The following VCAN variants were observed in gnomAD, a reference collection of about 807,000 sequenced individuals.
The protein encoded by VCAN is versican core protein.
In VCAN, 44 loss-of-function variants were observed where a neutral mutation model predicts 245.5. The observed-to-expected ratio is 0.18, with a 90% confidence interval of 0.14 to 0.23. The LOEUF (loss-of-function observed/expected upper bound fraction) is 0.23. Among genes scored for constraint, VCAN ranks in the 10% least tolerant of loss-of-function variants. The probability of loss-of-function intolerance (pLI) is 1.00; values close to 1 mark genes in which losing one functional copy is unlikely to be tolerated. For synonymous variants in VCAN, 1,413 were observed against 1,437.0 expected, an observed-to-expected ratio of 0.98 and a Z score of 0.38; for missense variants, 3,793 against 4,057.9, an observed-to-expected ratio of 0.93 and a Z score of 1.77.
At chr5:83,474,696 C>G (rs988769076) in intron 1 of VCAN, among the ~76,000 whole-genome samples, 1 of 152,174 alleles carries the variant, frequency 6.6e-6, no homozygotes, top group Non-Finnish European at 1.5e-5. Context: ...CCCCACCCAC[C>G]GAGGCCAATG....
intron 1 of VCAN, among the ~76,000 whole-genome samples, chr5:83,483,186 T>G (rs779373189): frequency 2.6e-5 from 4 of 152,220 alleles, no homozygotes; most frequent in Non-Finnish European, 5.9e-5. Context: ...ACTTGAACTG[T>G]GGTCTCTGTT....
chr5:83,474,729 G>A (rs980200963), intron 1 of VCAN, among the ~76,000 whole-genome samples: 2 of 152,250 alleles, frequency 1.3e-5, no homozygotes, highest in African/African-American at 4.8e-5. Flanking sequence ...GGAAGGCAGG[G>A]CCCAGCTTAA....
intron 8 of VCAN, among the ~76,000 whole-genome samples, chr5:83,542,872 G>A (rs1747057436): frequency 6.6e-6 from 1 of 152,182 alleles, no homozygotes. Flanking sequence ...CATACTGCCT[G>A]TTGAGAGAAG....
At chr5:83,503,701 T>G (rs1211887662) in intron 5 of VCAN, among the ~76,000 whole-genome samples, 2 of 152,194 alleles carry the variant, frequency 1.3e-5, no homozygotes, top group East Asian at 3.8e-4. Context: ...GCTACAAAAC[T>G]GGTAAGATCT....
At chr5:83,495,296 A>G (rs1482730237) in intron 5 of VCAN, among the ~76,000 whole-genome samples, 3 of 152,188 alleles carry the variant, frequency 2.0e-5, no homozygotes, top group Non-Finnish European at 4.4e-5. Flanking sequence ...AGCAGCTTAT[A>G]TTTTCCTAAT....
chr5:83,578,312 C>G (rs1247663350), intron 13 of VCAN, among the ~76,000 whole-genome samples: 1 of 151,862 alleles, frequency 6.6e-6, no homozygotes, highest in Non-Finnish European at 1.5e-5. Flanking sequence ...AGGGGAAAAA[C>G]AGACACTGGG....
At chr5:83,515,144 A>G (rs1745802368) in intron 6 of VCAN, among the ~76,000 whole-genome samples, 1 of 152,250 alleles carries the variant, frequency 6.6e-6, no homozygotes, top group Non-Finnish European at 1.5e-5. Context: ...AAAGTAAGCA[A>G]AGTAATGTCT....
rs745390728 is a variant in VCAN at position 83,520,016 on chromosome 5, C to T, written c.1710C>T (p.Thr570=). 2 of 1,614,068 alleles carry T rather than the reference C, an allele frequency of 1.2e-6. No individual in the cohort carries two copies. The highest frequency in any genetic ancestry group is 1.7e-6 in the Non-Finnish European group (2 of 1,179,968). Residue 570 remains threonine (T), a synonymous_variant, in exon 7 of 15, where the codon ACC becomes ACT. Transcript: ENST00000265077. ...TTACAGTTGGATCTGATGAGAGCAC[C>T]TTGATCTTTGACCAAATTCCTGAAG... ...RTLTVGSDES[T]LIFDQIPEVI...
intron 12 of VCAN, among the ~76,000 whole-genome samples, chr5:83,568,901 C>T (rs565783617): frequency 3.3e-5 from 5 of 151,972 alleles, no homozygotes; most frequent in Non-Finnish European, 5.9e-5. Flanking sequence ...CAGACACACA[C>T]GCAAACACAA....
intron 8 of VCAN, among the ~76,000 whole-genome samples, chr5:83,545,306 G>A (rs961298324): frequency 2.0e-5 from 3 of 152,132 alleles, no homozygotes; most frequent in African/African-American, 7.2e-5. Context: ...TATCATTTAA[G>A]AGTAATCGTG....
intron 12 of VCAN, chr5:83,562,103 C>T (rs1479787702): frequency 2.0e-5 from 3 of 152,154 alleles, no homozygotes; most frequent in Non-Finnish European, 2.9e-5. Flanking sequence ...GGCATTAGCT[C>T]TAAGTCAAAT....
At chr5:83,484,047 T>A (rs1215112401) in intron 2 of VCAN, among the ~76,000 whole-genome samples, 1 of 152,190 alleles carries the variant, frequency 6.6e-6, no homozygotes, top group East Asian at 1.9e-4. Context: ...TGGATATGCA[T>A]ATGCCCTAGT....
At position 83,538,074 on chromosome 5, in the gene VCAN, C is replaced by T. The variant is rs1383037859; in HGVS notation, c.5071C>T (p.Pro1691Ser). 1.2e-6 allele frequency: 2 copies of T among 1,614,070 alleles called. No homozygotes were observed. Among genetic ancestry groups the T allele is most frequent in the Admixed American group, 3.3e-5 (2 of 59,994 alleles). Residue 1691 changes from proline to serine, a missense_variant, in exon 8 of 15, where the codon CCA becomes TCA. Physicochemically the swap from Pro to Ser is moderately conservative, Grantham distance 74. Around this residue, in one of 5 missense-constraint regions of VCAN, gnomAD observed 3,182 missense variants for 3,250.3 expected, o/e 0.98. Transcript: ENST00000265077. ...FFEVPATTIY[P>S]VSEQPSAKVV... ...TGAGGTTCCTGCAACCACCATTTAT[C>T]CAGTTTCTGAACAACCTTCTGCAAA...
At position 83,521,373 on chromosome 5, in the gene VCAN, A is replaced by T; in HGVS notation, c.3067A>T (p.Thr1023Ser). Reference sequence around the variant, plus strand: ...GACTATTTCTCCAGAAACTATGAGAACAACAAAAATCACAGAGGGAACAAC... The same window carrying T: ...GACTATTTCTCCAGAAACTATGAGATCAACAAAAATCACAGAGGGAACAAC... ...EATISPETMRTTKITEGTTQE... is the reference protein window; with the variant it reads ...EATISPETMRSTKITEGTTQE... The change falls in exon 7 of 15, where the codon ACA becomes TCA. Residue 1023 changes from threonine to serine, a missense_variant. Thr to Ser is a moderately conservative substitution (Grantham distance 58). This residue lies in a region of VCAN where 3,182 missense variants were observed against 3,250.3 expected (regional missense o/e 0.98). Coordinates refer to ENST00000265077, the MANE Select transcript of VCAN (RefSeq NM_004385.5). 6.2e-7 allele frequency: 1 copy of T among 1,614,156 alleles called. No individual in the cohort carries two copies. The highest frequency in any genetic ancestry group is 8.5e-7 in the Non-Finnish European group (1 of 1,180,008).
chr5:83,490,183 G>A lies in VCAN; in HGVS notation c.156G>A (p.Leu52=). The A allele has an allele frequency of 6.2e-7, 1 of 1,614,112 alleles. No individual in the cohort carries two copies. Among genetic ancestry groups the A allele is most frequent in the Non-Finnish European group, 8.5e-7 (1 of 1,180,016 alleles). ...GTCATTTTTCAACGATGCCTACTTT[G>A]CCACCCAGTTACAACACCAGTGAAT... is the stretch of plus-strand genomic sequence containing the variant. ...LPCHFSTMPT[L]PPSYNTSEFL... Residue 52 remains leucine (L), a synonymous_variant, in exon 3 of 15, where the codon TTG becomes TTA. Transcript: ENST00000265077.
In VCAN at chr5:83,520,661, A is replaced by G; in HGVS notation, c.2355A>G (p.Thr785=). 1.2e-6 allele frequency: 2 copies of G among 1,614,082 alleles called. No homozygotes were observed. Among genetic ancestry groups the G allele is most frequent in the South Asian group, 1.1e-5 (1 of 91,084 alleles). Residue 785 remains threonine, a synonymous_variant, in exon 7 of 15, where the codon ACA becomes ACG. Transcript: ENST00000265077. ...CAAAATATGATGAAAATATTACAAC[A>G]GTGCTTTTGGCCCATGGTACTTTAA... ...GTTKYDENIT[T]VLLAHGTLSV... is the part of the protein sequence containing the mutation.
intron 10 of VCAN, 118 bp downstream of exon 10, chr5:83,548,202 C>T: frequency 2.6e-6 from 2 of 780,200 alleles, no homozygotes; most frequent in Admixed American, 4.0e-5. Context: ...TTTCCTTATT[C>T]AGGGATAGCT....
Position 83,538,756 on chromosome 5 carries a change from G to C in VCAN, c.5753G>C (p.Gly1918Ala). The change falls in exon 8 of 15, where the codon GGG becomes GCG. Residue 1918 changes from glycine (G) to alanine (A), a missense_variant. Gly to Ala is a moderately conservative substitution (Grantham distance 60). Coordinates refer to ENST00000265077, the MANE Select transcript of VCAN (RefSeq NM_004385.5). ...ISERLGEPNYGAEIRGFSTGF... is the reference protein window; with the variant it reads ...ISERLGEPNYAAEIRGFSTGF... ...GAGCGATTAGGAGAACCAAATTATG[G>C]GGCAGAAATAAGGGGCTTTTCCACA... The C allele has an allele frequency of 6.2e-7, 1 of 1,613,906 alleles. No individual in the cohort carries two copies. Among genetic ancestry groups the C allele is most frequent in the South Asian group, 1.1e-5 (1 of 91,072 alleles).
Position 83,580,086 on chromosome 5 carries a change from C to T in VCAN, c.9987C>T (p.Phe3329=), listed in dbSNP as rs760507768. Residue 3329 remains phenylalanine, a synonymous_variant, in exon 14 of 15, where the codon TTC becomes TTT. Transcript: ENST00000265077. ...SLIRYHCKDG[F]IQRHLPTIRC... ...TTAGATACCACTGCAAAGATGGTTT[C>T]ATTCAACGTCACCTTCCAACTATCC... The T allele has an allele frequency of 6.8e-6, 11 of 1,614,052 alleles. No homozygotes were observed. In the East Asian group the frequency reaches 2.2e-4, roughly 33 times the overall value.
Sources: allele counts gnomAD v4.1 joint callset (sites outside exome capture counted in the v4.1 genomes callset), GRCh38; gene constraint gnomAD v4.1.1; regional missense constraint gnomAD v4.1.1; transcripts MANE v1.5; gene names NCBI Gene and HGNC (gene_info 2026-07-23, HGNC 2026-07-21).